The following HECW2 variants were observed in gnomAD, a reference collection of about 807,000 sequenced individuals.
The protein encoded by HECW2 is E3 ubiquitin-protein ligase HECW2.
HECW2 carries 61 observed loss-of-function variants against 175.2 expected under a neutral mutation model. The ratio of observed to expected loss-of-function variants is 0.35; its 90% CI spans 0.28 to 0.43. The LOEUF (loss-of-function observed/expected upper bound fraction) is 0.43, where lower values mean the gene tolerates loss of function less well. Among genes scored for constraint, HECW2 ranks in the 20% least tolerant of loss-of-function variants. The probability of loss-of-function intolerance (pLI) is 1.00; values close to 1 mark genes in which losing one functional copy is unlikely to be tolerated. For synonymous variants in HECW2, 671 were observed against 731.0 expected (o/e 0.92, Z 1.32); for missense variants, 1,524 against 2,000.5 (o/e 0.76, Z 4.54).
At chr2:196,544,412 C>T (rs376545813) in intron 1 of HECW2, among the ~76,000 whole-genome samples, 2 of 152,152 alleles carry the variant, frequency 1.3e-5, no homozygotes, top group Admixed American at 6.5e-5. Context: ...AGGGGAGAGA[C>T]GGACAGTCAA....
At chr2:196,497,861 G>A (rs1198315531) in intron 1 of HECW2, among the ~76,000 whole-genome samples, 1 of 152,202 alleles carries the variant, frequency 6.6e-6, no homozygotes, top group Non-Finnish European at 1.5e-5. Flanking sequence ...GACAGACAGG[G>A]CTTTCTGGGT....
At chr2:196,319,934 T>G in intron 8 of HECW2, 30 bp from the exon 9 acceptor site, 1 of 1,544,892 alleles carries the variant, frequency 6.5e-7, no homozygotes, top group Non-Finnish European at 8.7e-7. Context: ...TTCTAAAAAA[T>G]TAACCAGAAA....
chr2:196,561,264 T>C (rs1689991405), intron 1 of HECW2, among the ~76,000 whole-genome samples: 1 of 152,252 alleles, frequency 6.6e-6, no homozygotes. Context: ...CCTGGCCTCC[T>C]GCAGTGCCGC....
At chr2:196,456,619 C>T (rs1225083876) in intron 1 of HECW2, among the ~76,000 whole-genome samples, 2 of 152,152 alleles carry the variant, frequency 1.3e-5, no homozygotes, top group Non-Finnish European at 2.9e-5. Flanking sequence ...TAAGAGTAAC[C>T]ATATACTAGC....
chr2:196,219,528 T>C (rs1687590989), intron 26 of HECW2, among the ~76,000 whole-genome samples: 1 of 152,236 alleles, frequency 6.6e-6, no homozygotes, highest in African/African-American at 2.4e-5. Context: ...TTGAAATTCA[T>C]GCTTGAATTT....
At chr2:196,582,233 C>G (rs757095359) in intron 1 of HECW2, among the ~76,000 whole-genome samples, 1 of 152,074 alleles carries the variant, frequency 6.6e-6, no homozygotes, top group Non-Finnish European at 1.5e-5. Context: ...ATTGAAAATC[C>G]AGCAAAATTC....
chr2:196,210,840 T>G (rs1201533358), intron 28 of HECW2, among the ~76,000 whole-genome samples: 2 of 151,564 alleles, frequency 1.3e-5, no homozygotes, highest in Non-Finnish European at 1.5e-5. Flanking sequence ...GCCAGGGTGG[T>G]CTCAAACTCC....
chr2:196,246,552 T>A (rs1688651971), intron 19 of HECW2, among the ~76,000 whole-genome samples: 2 of 140,472 alleles, frequency 1.4e-5, no homozygotes, highest in Admixed American at 1.4e-4. Context: ...GCCCGGCTAA[T>A]TATTTTTTTG....
intron 10 of HECW2, among the ~76,000 whole-genome samples, chr2:196,313,106 A>G (rs1018971192): frequency 5.3e-5 from 8 of 152,202 alleles, no homozygotes; most frequent in Admixed American, 4.6e-4. Flanking sequence ...CTATTCCTAG[A>G]AAAACTACCA....
At chr2:196,202,929 A>G (rs964257602) in intron 28 of HECW2, among the ~76,000 whole-genome samples, 1 of 152,200 alleles carries the variant, frequency 6.6e-6, no homozygotes, top group Non-Finnish European at 1.5e-5. Flanking sequence ...TACGTTTCAC[A>G]TGCACCTTGT....
intron 1 of HECW2, among the ~76,000 whole-genome samples, chr2:196,514,161 C>T (rs150190369): frequency 0.012 from 1,851 of 152,328 alleles, 44 homozygotes; most frequent in African/African-American, 0.042. Context: ...AGTACCTGTT[C>T]CAACTGCCCG....
At chr2:196,266,850 C>T (rs1386259110) in intron 17 of HECW2, among the ~76,000 whole-genome samples, 2 of 152,066 alleles carry the variant, frequency 1.3e-5, no homozygotes, top group Non-Finnish European at 2.9e-5. Flanking sequence ...TCTAACAAAA[C>T]CCCAGGGCTC....
intron 2 of HECW2, among the ~76,000 whole-genome samples, chr2:196,405,122 C>T (rs993033658): frequency 4.0e-5 from 6 of 151,876 alleles, no homozygotes; most frequent in South Asian, 2.1e-4. Context: ...TGAGCCATCG[C>T]GCCCGGCCCC....
intron 17 of HECW2, among the ~76,000 whole-genome samples, chr2:196,270,962 G>GA (rs2105962161): frequency 6.6e-6 from 1 of 152,290 alleles, no homozygotes; most frequent in South Asian, 2.1e-4. Flanking sequence ...CCCAAGTGCT[G>GA]AGATTACAGG....
chr2:196,390,418 C>T (rs542337388), intron 2 of HECW2, among the ~76,000 whole-genome samples: 1 of 152,180 alleles, frequency 6.6e-6, no homozygotes, highest in Non-Finnish European at 1.5e-5. Flanking sequence ...TGTACTCCCC[C>T]AAATGATCAC....
intron 1 of HECW2, among the ~76,000 whole-genome samples, chr2:196,498,835 A>G (rs1687483217): frequency 6.6e-6 from 1 of 152,198 alleles, no homozygotes; most frequent in Non-Finnish European, 1.5e-5. Context: ...AATTGCTTCT[A>G]TAGAAAACAT....
chr2:196,382,702 T>C (rs1694241379), intron 2 of HECW2, among the ~76,000 whole-genome samples: 1 of 151,554 alleles, frequency 6.6e-6, no homozygotes, highest in Non-Finnish European at 1.5e-5. Context: ...CTTCATTATT[T>C]ATAAATAACC....
intron 1 of HECW2, among the ~76,000 whole-genome samples, chr2:196,545,004 G>C (rs984688219): frequency 6.6e-5 from 10 of 152,218 alleles, no homozygotes; most frequent in African/African-American, 2.4e-4. Flanking sequence ...AAACTCATAA[G>C]ATCTACATGT....
intron 2 of HECW2, among the ~76,000 whole-genome samples, chr2:196,344,322 G>GA (rs60573890): frequency 0.68 from 46,079 of 67,996 alleles, 15,157 homozygotes; most frequent in East Asian, 0.75. Context: ...GACAAGATAA[G>GA]AAAAAAAAAA....
Sources: allele counts gnomAD v4.1 joint callset (sites outside exome capture counted in the v4.1 genomes callset), GRCh38; gene constraint gnomAD v4.1.1; transcripts MANE v1.5; gene names NCBI Gene and HGNC (gene_info 2026-07-23, HGNC 2026-07-21).